Variants in TCEANC2 observed in about 807,000 individuals in gnomAD.
TCEANC2 encodes transcription elongation factor A N-terminal and central domain-containing protein 2.
Under a neutral mutation model 22.8 loss-of-function variants are expected in TCEANC2, and 20 were observed. The observed-to-expected ratio is 0.88, with a 90% CI of 0.62 to 1.28. TCEANC2 has a LOEUF of 1.28. TCEANC2 is among the 50% of genes most tolerant of loss of function. The pLI is 0.00. For missense variants in TCEANC2, 251 were observed against 249.7 expected (o/e 1.01, Z -0.03); for synonymous variants, 84 against 95.5 (o/e 0.88, Z 0.70).
rs189468382 is a variant in TCEANC2, at chr1:54,090,832, T to C, written c.438+2042T>C. ...ATATAATACGTAGTTAATGTGGTGG[T>C]AAATACCAATTTCCTGTGGTATCTT... On this transcript the variant is annotated intron_variant, in intron 4 of 4. Transcript: ENST00000234827. Among the ~76,000 whole-genome samples the C allele has an allele frequency of 1.5e-4, 23 of 152,300 alleles. No homozygotes were observed. The East Asian group carries it at 4.2e-3, about 28-fold the overall frequency.
At chr1:54,066,075 T>G (rs770068385) in intron 2 of TCEANC2, among the ~76,000 whole-genome samples, 1 of 151,528 alleles carries the variant, frequency 6.6e-6, no homozygotes, top group Non-Finnish European at 1.5e-5. Context: ...AGAACAAGAC[T>G]TCTTCTCAGA....
At chr1:54,083,281 T>C (rs1414529556) in intron 3 of TCEANC2, among the ~76,000 whole-genome samples, 1 of 152,114 alleles carries the variant, frequency 6.6e-6, no homozygotes, top group African/African-American at 2.4e-5. Context: ...TGCAGGTAGC[T>C]GGACCACAGG....
At chr1:54,092,373 G>GA (rs1403974429) in intron 4 of TCEANC2, among the ~76,000 whole-genome samples, 2 of 152,192 alleles carry the variant, frequency 1.3e-5, no homozygotes, top group African/African-American at 2.4e-5. Flanking sequence ...TCTGATGGGG[G>GA]AATCTGGGAA....
Position 54,088,762 on chromosome 1 carries a change from A to C in TCEANC2, c.410A>C (p.Lys137Thr), listed in dbSNP as rs1658386272. The C allele has an allele frequency of 1.3e-6, 2 of 1,597,158 alleles. No individual in the cohort carries two copies. Among genetic ancestry groups the C allele is most frequent in the Non-Finnish European group, 1.7e-6 (2 of 1,171,344 alleles). Residue 137 changes from lysine (K) to threonine (T), a missense_variant, in exon 4 of 5, where the codon AAA (lysine) becomes ACA (threonine). Physicochemically the swap from Lys to Thr is moderately conservative, Grantham distance 78. Coordinates refer to ENST00000234827, the MANE Select transcript of TCEANC2 (RefSeq NM_153035.3). ...GAGTCGTTGAGGAAAAATGCTCAGA[A>C]ATTACTCTCAGAAGCCTTGGAATTA... ...KTESLRKNAQ[K>T]LLSEALELKM...
intron 4 of TCEANC2, among the ~76,000 whole-genome samples, chr1:54,093,086 T>C (rs768254220): frequency 1.9e-4 from 29 of 152,084 alleles, no homozygotes; most frequent in South Asian, 4.2e-4. Context: ...TGTTAGTGAG[T>C]AAGGCCCATG....
intron 3 of TCEANC2, among the ~76,000 whole-genome samples, chr1:54,087,198 TTA>T (rs1658354064): frequency 6.6e-6 from 1 of 152,222 alleles, no homozygotes; most frequent in African/African-American, 2.4e-5. Context: ...TTTTAAACTT[TTA>T]GTTTTAAGTG....
At chr1:54,086,922 C>T (rs1383521104) in intron 3 of TCEANC2, among the ~76,000 whole-genome samples, 1 of 152,138 alleles carries the variant, frequency 6.6e-6, no homozygotes, top group East Asian at 1.9e-4. Flanking sequence ...AAGGAGGAAT[C>T]CTGGAGCATT....
At chr1:54,106,971 C>A (rs1658769042), downstream of TCEANC2, among the ~76,000 whole-genome samples, 1 of 152,158 alleles carries the variant, frequency 6.6e-6, no homozygotes, top group African/African-American at 2.4e-5. Flanking sequence ...TTGTTAACTT[C>A]TTACAATAGT....
chr1:54,096,870 C>T lies in TCEANC2; in HGVS notation c.*397C>T, dbSNP rs766527424. On this transcript the variant is annotated 3_prime_UTR_variant, in exon 5 of 5. Coordinates refer to ENST00000234827, the MANE Select transcript of TCEANC2 (RefSeq NM_153035.3). The surrounding 1 kb of genome is among the most constrained non-coding windows in gnomAD (Gnocchi z 4.9). Reference sequence around the variant, plus strand: ...GTAACTGAAACTCAATTACCGCTGCCGCTCACTCGGTTCCATCCCCCTGAG... The same window carrying T: ...GTAACTGAAACTCAATTACCGCTGCTGCTCACTCGGTTCCATCCCCCTGAG... 4.0e-6 allele frequency: 4 copies of T among 991,570 alleles called. No individual in the cohort carries two copies. The highest frequency in any genetic ancestry group is 9.3e-5 in the South Asian group (2 of 21,616). 61.4% of individuals were successfully genotyped at this position (991,570 alleles called of 1,614,324 possible).
chr1:54,089,701 TA>T (rs553305011), intron 4 of TCEANC2, among the ~76,000 whole-genome samples: 1 of 152,140 alleles, frequency 6.6e-6, no homozygotes, highest in African/African-American at 2.4e-5. Flanking sequence ...CTACAGTCTC[TA>T]AAAAAAATTT....
At chr1:54,067,603 A>G (rs1275815963) in intron 2 of TCEANC2, among the ~76,000 whole-genome samples, 3 of 152,172 alleles carry the variant, frequency 2.0e-5, no homozygotes, top group Non-Finnish European at 4.4e-5. Flanking sequence ...CAGAAACCAA[A>G]CCAAACAAGT....
chr1:54,086,516 C>T (rs1324389210), intron 3 of TCEANC2, among the ~76,000 whole-genome samples: 1 of 152,086 alleles, frequency 6.6e-6, no homozygotes, highest in African/African-American at 2.4e-5. Flanking sequence ...ACAGAATGTT[C>T]ATTGGGGTGT....
chr1:54,088,720 G>C lies in TCEANC2; in HGVS notation c.368G>C (p.Arg123Thr), dbSNP rs1285578781. 2 of 1,608,346 alleles carry C rather than the reference G, an allele frequency of 1.2e-6. No individual in the cohort carries two copies. Among genetic ancestry groups the C allele is most frequent in the African/African-American group, 2.7e-5 (2 of 74,748 alleles). The change falls in exon 4 of 5, where the codon AGA (arginine) becomes ACA (threonine). Residue 123 changes from arginine (R) to threonine (T), a missense_variant. Transcript: ENST00000234827. ...TCAAATAGACCTTCTATTGAAGTTAGAAGTGATCCCAAAACCGAGTCGTTG... is the reference window on the plus strand; with the variant it reads ...TCAAATAGACCTTCTATTGAAGTTACAAGTGATCCCAAAACCGAGTCGTTG... ...KHSNRPSIEVRSDPKTESLRK... is the reference protein window; with the variant it reads ...KHSNRPSIEVTSDPKTESLRK...
chr1:54,053,790 C>T (rs905505659), intron 1 of TCEANC2, 32 bp downstream of exon 1: 2 of 153,160 alleles, frequency 1.3e-5, no homozygotes, highest in African/African-American at 4.8e-5. Flanking sequence ...TGTTGGGTGC[C>T]CCTACCCGGG....
intron 2 of TCEANC2, among the ~76,000 whole-genome samples, chr1:54,064,164 G>A (rs960583391): frequency 1.3e-5 from 2 of 152,084 alleles, no homozygotes; most frequent in East Asian, 1.9e-4. Flanking sequence ...AATTAGCAAG[G>A]GAGAGAATGA....
Position 54,096,922 on chromosome 1 carries a change from A to C in TCEANC2, c.*449A>C, listed in dbSNP as rs1658569368. The C allele has an allele frequency of 3.0e-6, 3 of 987,152 alleles. No individual in the cohort carries two copies. The highest frequency in any genetic ancestry group is 9.4e-5 in the South Asian group (2 of 21,368). 61.1% of individuals were successfully genotyped at this position (987,152 alleles called of 1,614,324 possible). ...TTAGATAGCTCTGGTGCCTCTCAGA[A>C]CTCCCCTGTCTGTTCTCTTTGCTCT... On this transcript the variant is annotated 3_prime_UTR_variant, in exon 5 of 5. Coordinates refer to ENST00000234827, the MANE Select transcript of TCEANC2 (RefSeq NM_153035.3). This position sits in a 1 kb window ranked among gnomAD's most constrained non-coding sequence, Gnocchi z 4.9.
chr1:54,101,374 T>G lies in TCEANC2; in HGVS notation c.*4901T>G, dbSNP rs2100393843. 6.6e-6 allele frequency: 1 copy of G among 152,316 alleles called. No homozygotes were observed. The highest frequency in any genetic ancestry group is 1.5e-5 in the Non-Finnish European group (1 of 68,020). 9.4% of individuals were successfully genotyped at this position (152,316 alleles called of 1,614,324 possible). On this transcript the variant is annotated 3_prime_UTR_variant, in exon 5 of 5. Coordinates refer to ENST00000234827, the MANE Select transcript of TCEANC2 (RefSeq NM_153035.3). The stretch of plus-strand genomic sequence containing the variant: ...TTGATTGGATGACATTGTATTTTCT[T>G]TAAATCAATCAAAATGATACAATTA...
intron 3 of TCEANC2, among the ~76,000 whole-genome samples, chr1:54,079,765 G>A (rs890321262): frequency 2.0e-5 from 3 of 152,130 alleles, no homozygotes; most frequent in African/African-American, 7.2e-5. Context: ...GTAAGGTAAC[G>A]TAGTCACAGA....
intron 3 of TCEANC2, 71 bp downstream of exon 3, chr1:54,068,968 T>C: frequency 7.3e-7 from 1 of 1,378,182 alleles, no homozygotes; most frequent in African/African-American, 1.5e-5. Flanking sequence ...CCTTCCTCTC[T>C]CCTTCAAACA....
Sources: allele counts gnomAD v4.1 joint callset (sites outside exome capture counted in the v4.1 genomes callset), GRCh38; gene constraint gnomAD v4.1.1; non-coding constraint Gnocchi (gnomAD v3.1); transcripts MANE v1.5; gene names NCBI Gene and HGNC (gene_info 2026-07-23, HGNC 2026-07-21).